Variants in PDE4D observed in about 807,000 individuals in gnomAD.
PDE4D encodes the protein 3',5'-cyclic-AMP phosphodiesterase 4D.
Under a neutral mutation model 87.4 loss-of-function variants are expected in PDE4D, and 24 were observed. The observed-to-expected ratio is 0.27, with a 90% CI of 0.20 to 0.39. PDE4D has a LOEUF of 0.39. PDE4D is among the 10% of genes least tolerant of loss of function. The probability of loss-of-function intolerance (pLI) is 1.00; values close to 1 mark genes in which losing one functional copy is unlikely to be tolerated. For missense variants in PDE4D, 714 were observed against 1,041.0 expected, an observed-to-expected ratio of 0.69 and a Z score of 4.32; for synonymous variants, 384 against 383.2, an observed-to-expected ratio of 1.00 and a Z score of -0.02.
At chr5:59,071,655 G>A (rs1158241432) in intron 5 of PDE4D, among the ~76,000 whole-genome samples, 2 of 138,168 alleles carry the variant, frequency 1.4e-5, no homozygotes, top group Non-Finnish European at 3.1e-5. Context: ...CCTTCTTCCT[G>A]CAACATCTGT....
intron 1 of PDE4D, among the ~76,000 whole-genome samples, chr5:59,838,510 G>A (rs1279686512): frequency 1.3e-5 from 2 of 152,036 alleles, no homozygotes; most frequent in African/African-American, 2.4e-5. Flanking sequence ...CAAGGAGGGA[G>A]GCCTACTTCC....
intron 1 of PDE4D, among the ~76,000 whole-genome samples, chr5:59,430,862 G>A (rs1298547448): frequency 6.6e-6 from 1 of 151,998 alleles, no homozygotes; most frequent in African/African-American, 2.4e-5. Flanking sequence ...CTGATAGGAA[G>A]GAAATAATTA....
At chr5:60,231,042 G>A (rs59146586) in intron 1 of PDE4D, among the ~76,000 whole-genome samples, 4,586 of 152,138 alleles carry the variant, frequency 0.03, 81 homozygotes, top group South Asian at 0.09. Context: ...GAAAGAAAAT[G>A]TGTGTTCACG....
At chr5:60,400,686 C>T (rs1166942806) in intron 1 of PDE4D, among the ~76,000 whole-genome samples, 1 of 152,112 alleles carries the variant, frequency 6.6e-6, no homozygotes, top group Non-Finnish European at 1.5e-5. Context: ...TATCCTAGCA[C>T]TTTGGGAGGC....
At chr5:59,351,179 A>G (rs941910872) in intron 1 of PDE4D, among the ~76,000 whole-genome samples, 1 of 152,128 alleles carries the variant, frequency 6.6e-6, no homozygotes, top group Non-Finnish European at 1.5e-5. Context: ...TAGATATTTT[A>G]ATTTTCTATT....
Position 59,985,124 on chromosome 5 carries a change from G to GTTTTTTTTTTTTTTTTTTTTTTTTTTT in PDE4D, c.272+3363_272+3364insAAAAAAAAAAAAAAAAAAAAAAAAAAA, listed in dbSNP as rs762506771. ...AATATAAGCCCGAACTTCACCTTTC[G>GTTTTTTTTTTTTTTTTTTTTTTTTTTT]TTTTTTGTTTTTTGTTTTTTGTTTT... On this transcript the variant is annotated intron_variant, in intron 3 of 16. Transcript: ENST00000502484. 7.2e-5 allele frequency among the ~76,000 whole-genome samples: 8 copies of GTTTTTTTTTTTTTTTTTTTTTTTTTTT among 111,268 alleles called. 2 individuals carry two copies. Among genetic ancestry groups the GTTTTTTTTTTTTTTTTTTTTTTTTTTT allele is most frequent in the African/African-American group, 5.7e-5 (2 of 35,136 alleles). The allele number at this position is 111,268 out of a possible 152,430, so 73.0% of individuals were successfully genotyped here. A position where few individuals can be genotyped will look rare whatever the true frequency, so the allele number is the denominator to read the frequency against.
intron 3 of PDE4D, among the ~76,000 whole-genome samples, chr5:59,975,907 GC>G (rs1761273933): frequency 6.6e-6 from 1 of 152,154 alleles, no homozygotes; most frequent in Non-Finnish European, 1.5e-5. Context: ...AAGTGAGTTT[GC>G]TCCCCAGTGA....
At chr5:59,836,657 T>TA (rs745621495) in intron 1 of PDE4D, among the ~76,000 whole-genome samples, 9 of 143,648 alleles carry the variant, frequency 6.3e-5, no homozygotes, top group African/African-American at 2.6e-4. Flanking sequence ...TATCTATCTA[T>TA]CATCTATCTA....
intron 5 of PDE4D, among the ~76,000 whole-genome samples, chr5:59,060,900 C>T (rs1030357892): frequency 6.6e-6 from 1 of 152,068 alleles, no homozygotes; most frequent in Non-Finnish European, 1.5e-5. Context: ...TCATTCCAGC[C>T]TGGAAGTCAT....
chr5:59,493,321 G>T (rs368436153), intron 1 of PDE4D, among the ~76,000 whole-genome samples: 25 of 152,258 alleles, frequency 1.6e-4, no homozygotes, highest in Admixed American at 5.9e-4. Context: ...GCAGAAACAT[G>T]ATCAGATACA....
At chr5:59,073,507 C>CGGGGGGGG (rs56301552) in intron 5 of PDE4D, among the ~76,000 whole-genome samples, 6 of 38,202 alleles carry the variant, frequency 1.6e-4, no homozygotes, top group Non-Finnish European at 2.4e-4. Context: ...AAGTGGGGGG[C>CGGGGGGGG]GGGGGGGGCG....
chr5:60,066,950 T>C (rs1419250254), intron 2 of PDE4D, among the ~76,000 whole-genome samples: 1 of 152,116 alleles, frequency 6.6e-6, no homozygotes, highest in Non-Finnish European at 1.5e-5. Context: ...GAGAAACTGC[T>C]CTACTTCTAC....
intron 1 of PDE4D, among the ~76,000 whole-genome samples, chr5:59,521,375 C>T (rs1812211236): frequency 6.6e-6 from 1 of 152,176 alleles, no homozygotes; most frequent in Non-Finnish European, 1.5e-5. Flanking sequence ...CAGTCTCTTG[C>T]TGGAAACGTG....
chr5:59,102,653 C>A (rs528520771), intron 5 of PDE4D, among the ~76,000 whole-genome samples: 6 of 152,192 alleles, frequency 3.9e-5, no homozygotes, highest in African/African-American at 1.4e-4. Context: ...GATAGAGGAA[C>A]CCAGTGCTTC....
chr5:59,891,465 A>C (rs1750942886), intron 1 of PDE4D, among the ~76,000 whole-genome samples: 1 of 152,198 alleles, frequency 6.6e-6, no homozygotes, highest in Non-Finnish European at 1.5e-5. Context: ...GGGGTCCTAC[A>C]TAGTGTCGTG....
intron 1 of PDE4D, among the ~76,000 whole-genome samples, chr5:59,838,922 A>C (rs1471808775): frequency 6.6e-6 from 1 of 151,964 alleles, no homozygotes. Flanking sequence ...CTTTATTGAC[A>C]TCCTGTTTTA....
At chr5:59,800,328 GAAATGCAACAACCAATGAAAAGATGTTT>G (rs1256386755) in intron 1 of PDE4D, among the ~76,000 whole-genome samples, 1 of 151,992 alleles carries the variant, frequency 6.6e-6, no homozygotes, top group African/African-American at 2.4e-5. Context: ...CACCGTGAAA[GAAATGCAACAACCAATGAAAAGATGTTT>G]AATTTTCCCT....
chr5:59,199,849 T>A (rs1221451000), intron 2 of PDE4D, among the ~76,000 whole-genome samples: 1 of 151,962 alleles, frequency 6.6e-6, no homozygotes, highest in African/African-American at 2.4e-5. Context: ...TATATGTATA[T>A]ATACATACAT....
At chr5:59,983,378 C>G (rs756963241) in intron 3 of PDE4D, among the ~76,000 whole-genome samples, 1 of 152,068 alleles carries the variant, frequency 6.6e-6, no homozygotes, top group African/African-American at 2.4e-5. Context: ...TCATATTTCA[C>G]AGGTCCCTAG....
Sources: gnomAD v4.1 joint callset for allele counts (sites outside exome capture counted in the v4.1 genomes callset) on GRCh38, gnomAD v4.1.1 for gene constraint, MANE v1.5 for transcripts, NCBI Gene and HGNC (gene_info 2026-07-23, HGNC 2026-07-21) for gene names.